SOBP: variants seen among roughly 807,000 people sequenced by gnomAD.
SOBP encodes the protein sine oculis-binding protein homolog.
A neutral mutation model predicts 53.6 loss-of-function variants in SOBP; 4 were observed. That is an observed-to-expected ratio of 0.07 (90% CI 0.04 to 0.17). SOBP has a LOEUF of 0.17. Ranked by LOEUF, SOBP falls within the 10% of genes least tolerant of loss-of-function variation. The pLI, the probability that SOBP is intolerant of heterozygous loss-of-function variation, is 1.00. For missense variants in SOBP, 1,088 were observed against 1,204.7 expected (o/e 0.90, Z 1.43); for synonymous variants, 584 against 522.6 (o/e 1.12, Z -1.60).
At chr6:107,590,953 C>T (rs6916084) in intron 5 of SOBP, among the ~76,000 whole-genome samples, 3,096 of 152,164 alleles carry the variant, frequency 0.02, 110 homozygotes, top group African/African-American at 0.071. Context: ...GGTAGGGACA[C>T]AACATAGAAA....
At chr6:107,647,865 G>A (rs1771627064) in intron 6 of SOBP, among the ~76,000 whole-genome samples, 1 of 152,112 alleles carries the variant, frequency 6.6e-6, no homozygotes, top group Non-Finnish European at 1.5e-5. Context: ...AGAGAAAATA[G>A]GTTGTGCCTG....
At chr6:107,535,730 T>G (rs1783978697) in intron 4 of SOBP, among the ~76,000 whole-genome samples, 1 of 152,034 alleles carries the variant, frequency 6.6e-6, no homozygotes, top group African/African-American at 2.4e-5. Flanking sequence ...TGTTACAATA[T>G]TATATTGTCT....
At chr6:107,612,126 AC>A (rs1269016936) in intron 5 of SOBP, among the ~76,000 whole-genome samples, 1 of 152,176 alleles carries the variant, frequency 6.6e-6, no homozygotes, top group Non-Finnish European at 1.5e-5. Context: ...TGAGGACAAG[AC>A]CTGGAGGCTG....
intron 6 of SOBP, among the ~76,000 whole-genome samples, chr6:107,651,014 C>G (rs1236028175): frequency 6.6e-6 from 1 of 152,278 alleles, no homozygotes; most frequent in South Asian, 2.1e-4. Context: ...TGTAATAATC[C>G]CAGCACTTTG....
chr6:107,648,810 A>T (rs1771673202), intron 6 of SOBP, among the ~76,000 whole-genome samples: 1 of 152,186 alleles, frequency 6.6e-6, no homozygotes. Context: ...AAATGGAGAT[A>T]GTAATAAATA....
intron 5 of SOBP, among the ~76,000 whole-genome samples, chr6:107,597,798 G>T (rs748764446): frequency 2.0e-5 from 3 of 152,144 alleles, no homozygotes; most frequent in Non-Finnish European, 4.4e-5. Context: ...AAACCAAAAA[G>T]ACCTTTTCTC....
At chr6:107,514,583 G>T (rs183081264) in intron 3 of SOBP, 3 of 152,318 alleles carry the variant, frequency 2.0e-5, no homozygotes, top group Admixed American at 2.0e-4. Flanking sequence ...TGTATAATTT[G>T]AATGGTAGCA....
At chr6:107,618,430 A>C (rs1786877729) in intron 5 of SOBP, among the ~76,000 whole-genome samples, 1 of 152,132 alleles carries the variant, frequency 6.6e-6, no homozygotes, top group Admixed American at 6.5e-5. Context: ...TGTGTCACTT[A>C]CTCTGGATAA....
At chr6:107,551,439 C>T (rs974935808) in intron 4 of SOBP, among the ~76,000 whole-genome samples, 19 of 152,252 alleles carry the variant, frequency 1.2e-4, no homozygotes, top group Non-Finnish European at 2.2e-4. Context: ...AACTCATAAC[C>T]AGTTTCACAG....
intron 5 of SOBP, among the ~76,000 whole-genome samples, chr6:107,600,987 ATAATCT>A (rs1456902283): frequency 6.6e-6 from 1 of 152,228 alleles, no homozygotes; most frequent in Non-Finnish European, 1.5e-5. Flanking sequence ...TGTGTATAAA[ATAATCT>A]TAATAAAGCC....
rs1451805866 is a variant in SOBP at position 107,635,322 on chromosome 6, C to T, written c.2478C>T (p.Cys826=). Reference sequence around the variant, plus strand: ...TGCGGATGCTGCCCAAGACCGGCTGCGTGATCCAGCCTGTGCCAAAACCCG... The same window carrying T: ...TGCGGATGCTGCCCAAGACCGGCTGTGTGATCCAGCCTGTGCCAAAACCCG... ...YALRMLPKTG[C]VIQPVPKPAE... is the part of the protein sequence containing the mutation. Residue 826 remains cysteine, a synonymous_variant, in exon 6 of 7, where the codon TGC becomes TGT. Coordinates refer to ENST00000317357, the MANE Select transcript of SOBP (RefSeq NM_018013.4). The surrounding 1 kb of genome is among the most constrained non-coding windows in gnomAD (Gnocchi z 4.5). 6.2e-7 allele frequency: 1 copy of T among 1,613,486 alleles called. No individual in the cohort carries two copies. The highest frequency in any genetic ancestry group is 8.5e-7 in the Non-Finnish European group (1 of 1,180,030).
intron 4 of SOBP, among the ~76,000 whole-genome samples, chr6:107,557,092 T>C (rs1223131922): frequency 6.6e-6 from 1 of 152,218 alleles, no homozygotes; most frequent in Non-Finnish European, 1.5e-5. Flanking sequence ...GGTAAACATA[T>C]ATATGTGTAC....
At position 107,634,400 on chromosome 6, in the gene SOBP, C is replaced by A. The variant is rs1454319273; in HGVS notation, c.1556C>A (p.Pro519Gln). ...CTGCCGTCGCTTGCCCCGCTGGTGC[C>A]GCCCCCGACCCTGCTCGTGCCGTAC... ...FGLPSLAPLV[P>Q]PPTLLVPYPV... Residue 519 changes from proline (P) to glutamine (Q), a missense_variant, in exon 6 of 7, where the codon CCG becomes CAG. Pro to Gln is a moderately conservative substitution (Grantham distance 76). Transcript: ENST00000317357. The surrounding 1 kb of genome is among the most constrained non-coding windows in gnomAD (Gnocchi z 4.5). 2.5e-6 allele frequency: 4 copies of A among 1,601,316 alleles called. No individual in the cohort carries two copies. Among genetic ancestry groups the A allele is most frequent in the Non-Finnish European group, 3.4e-6 (4 of 1,179,092 alleles).
At chr6:107,530,130 C>G (rs1248976393) in intron 3 of SOBP, among the ~76,000 whole-genome samples, 2 of 152,076 alleles carry the variant, frequency 1.3e-5, no homozygotes, top group African/African-American at 4.8e-5. Flanking sequence ...GAGGTAATCT[C>G]AAGTCTCTAA....
intron 4 of SOBP, among the ~76,000 whole-genome samples, chr6:107,575,805 A>C (rs562040093): frequency 6.6e-6 from 1 of 152,314 alleles, no homozygotes; most frequent in African/African-American, 2.4e-5. Context: ...ATGAACTTCA[A>C]CTTGATACTC....
chr6:107,491,795 G>A (rs1405800865), intron 1 of SOBP, among the ~76,000 whole-genome samples: 1 of 152,210 alleles, frequency 6.6e-6, no homozygotes, highest in East Asian at 1.9e-4. Context: ...CTACTACTTG[G>A]CCAGTTTTGG....
intron 5 of SOBP, among the ~76,000 whole-genome samples, chr6:107,619,040 T>C (rs1002107270): frequency 1.3e-5 from 2 of 152,130 alleles, no homozygotes; most frequent in Non-Finnish European, 1.5e-5. Flanking sequence ...CGAGTAACGT[T>C]GATTTCTGGA....
intron 6 of SOBP, among the ~76,000 whole-genome samples, chr6:107,644,396 T>C (rs1174824378): frequency 1.3e-5 from 2 of 152,254 alleles, no homozygotes; most frequent in Non-Finnish European, 2.9e-5. Flanking sequence ...TCCTCTGAAA[T>C]GTCTTAGGGA....
At chr6:107,516,207 A>G (rs913826442) in intron 3 of SOBP, among the ~76,000 whole-genome samples, 1 of 152,184 alleles carries the variant, frequency 6.6e-6, no homozygotes, top group Non-Finnish European at 1.5e-5. Context: ...CATGCTTGTA[A>G]TAGTAGTACT....
Sources: gnomAD v4.1 joint callset for allele counts (sites outside exome capture counted in the v4.1 genomes callset) on GRCh38, gnomAD v4.1.1 for gene constraint, Gnocchi (gnomAD v3.1) non-coding constraint, MANE v1.5 for transcripts, NCBI Gene and HGNC (gene_info 2026-07-23, HGNC 2026-07-21) for gene names.